PKD2: variants seen among roughly 807,000 people sequenced by gnomAD.
The protein encoded by PKD2 is polycystin 2, transient receptor potential cation channel, also known as polycystin-2.
Under a neutral mutation model 105.9 loss-of-function variants are expected in PKD2, and 48 were observed. The ratio of observed to expected loss-of-function variants is 0.45; its 90% confidence interval spans 0.36 to 0.58. PKD2 has a LOEUF of 0.58. Among genes scored for constraint, PKD2 ranks in the 20% least tolerant of loss-of-function variants. The pLI, the probability that PKD2 is intolerant of heterozygous loss-of-function variation, is 0.00. For missense variants in PKD2, 1,078 were observed against 1,255.3 expected (o/e 0.86, Z 2.13); for synonymous variants, 464 against 481.1 (o/e 0.96, Z 0.46).
chr4:88,036,156 C>T, intron 2 of PKD2, 64 bp from the exon 3 acceptor site: 1 of 1,613,196 alleles, frequency 6.2e-7, no homozygotes, highest in Non-Finnish European at 8.5e-7. Flanking sequence ...TTTGTGAAGG[C>T]TGCTGGTATG....
intron 4 of PKD2, among the ~76,000 whole-genome samples, chr4:88,038,815 T>C (rs944257378): frequency 2.0e-5 from 3 of 152,172 alleles, no homozygotes; most frequent in African/African-American, 7.2e-5. Context: ...TTTTTACAGG[T>C]GCAGTAACAT....
intron 6 of PKD2, among the ~76,000 whole-genome samples, chr4:88,048,711 G>T (rs1350566898): frequency 6.6e-6 from 1 of 152,150 alleles, no homozygotes; most frequent in East Asian, 1.9e-4. Context: ...GCAGTTAGAA[G>T]TGCATCCCGT....
intron 12 of PKD2, among the ~76,000 whole-genome samples, chr4:88,067,303 A>T (rs866095361): frequency 5.3e-5 from 8 of 152,176 alleles, no homozygotes; most frequent in South Asian, 2.1e-4. Context: ...AACACTTCTG[A>T]TCCCAAGTAT....
chr4:88,054,262 G>A (rs1413911982), intron 7 of PKD2, among the ~76,000 whole-genome samples: 3 of 151,808 alleles, frequency 2.0e-5, no homozygotes, highest in African/African-American at 7.3e-5. Context: ...TTAGCTGGGT[G>A]TGGTGGCACG....
At chr4:88,075,282 G>T (rs1382235232) in intron 14 of PKD2, among the ~76,000 whole-genome samples, 176 bp from the exon 15 acceptor site, 2 of 152,092 alleles carry the variant, frequency 1.3e-5, no homozygotes, top group African/African-American at 4.8e-5. Flanking sequence ...ATATGCTAAT[G>T]GTCCTGCCTT....
chr4:88,057,493 C>T (rs1314235738), intron 8 of PKD2, among the ~76,000 whole-genome samples: 3 of 145,512 alleles, frequency 2.1e-5, no homozygotes, highest in African/African-American at 5.1e-5. Context: ...TAGAGTGCAG[C>T]GGTGTAATCT....
chr4:88,040,513 C>T (rs190829878), intron 4 of PKD2, among the ~76,000 whole-genome samples: 1 of 152,308 alleles, frequency 6.6e-6, no homozygotes, highest in Admixed American at 6.5e-5. Flanking sequence ...AAGTCACTCC[C>T]ATTTCTTCTT....
intron 6 of PKD2, 148 bp from the exon 7 acceptor site, chr4:88,051,843 G>A: frequency 1.7e-6 from 1 of 598,064 alleles, no homozygotes; most frequent in Non-Finnish European, 3.0e-6. Context: ...TTCCATTTGA[G>A]TGAGTGACTT....
chr4:88,059,610 G>A (rs947705263), intron 9 of PKD2, among the ~76,000 whole-genome samples: 1 of 152,100 alleles, frequency 6.6e-6, no homozygotes, highest in Non-Finnish European at 1.5e-5. Context: ...CATCTTACCA[G>A]ATCAGTCACC....
chr4:88,041,444 A>C (rs1727561773), intron 4 of PKD2, among the ~76,000 whole-genome samples: 1 of 152,150 alleles, frequency 6.6e-6, no homozygotes, highest in African/African-American at 2.4e-5. Flanking sequence ...CTTACAGCTA[A>C]GGTTTATTAT....
intron 2 of PKD2, among the ~76,000 whole-genome samples, chr4:88,030,552 C>G (rs1317722668): frequency 6.6e-6 from 1 of 152,246 alleles, no homozygotes; most frequent in Non-Finnish European, 1.5e-5. Context: ...CCACATCAAA[C>G]CACTTGTGAT....
chr4:88,052,395 A>G (rs1720145102), intron 7 of PKD2, among the ~76,000 whole-genome samples: 1 of 152,018 alleles, frequency 6.6e-6, no homozygotes, highest in Admixed American at 6.6e-5. Flanking sequence ...TATCCTCCGA[A>G]GTCACTGGGA....
At chr4:88,038,877 A>T (rs1440058822) in intron 4 of PKD2, among the ~76,000 whole-genome samples, 3 of 152,190 alleles carry the variant, frequency 2.0e-5, no homozygotes, top group Non-Finnish European at 2.9e-5. Flanking sequence ...CTCTTTTTAT[A>T]GGTCTTGCAA....
chr4:88,046,729 T>G lies in PKD2; in HGVS notation c.1407T>G (p.Phe469Leu). ...AGCTGATCCGATATGTCACAACTTT[T>G]GATTTCTTCCTGGCAGCCTGTGAGA... ...PLKLIRYVTTFDFFLAACEII... is the reference protein window; with the variant it reads ...PLKLIRYVTTLDFFLAACEII... Residue 469 changes from phenylalanine (F) to leucine (L), a missense_variant, in exon 6 of 15, where the codon TTT becomes TTG. Phe to Leu is a conservative substitution (Grantham distance 22). Around this residue, in one of 2 missense-constraint regions of PKD2, gnomAD observed 868 missense variants for 1,067.3 expected, o/e 0.81. Coordinates refer to ENST00000237596, the MANE Select transcript of PKD2 (RefSeq NM_000297.4). The G allele has an allele frequency of 2.5e-6, 4 of 1,613,646 alleles. No homozygotes were observed. The highest frequency in any genetic ancestry group is 3.4e-6 in the Non-Finnish European group (4 of 1,179,510).
In PKD2 at chr4:88,007,784, G is replaced by A. The variant is rs1340120540; in HGVS notation, c.51G>A (p.Arg17=). The A allele has an allele frequency of 1.7e-6, 2 of 1,164,382 alleles. No homozygotes were observed. The highest frequency in any genetic ancestry group is 2.1e-6 in the Non-Finnish European group (2 of 938,664). 72.1% of individuals were successfully genotyped at this position (1,164,382 alleles called of 1,614,324 possible). Residue 17 remains arginine, a synonymous_variant, in exon 1 of 15, where the codon CGG becomes CGA. Coordinates refer to ENST00000237596, the MANE Select transcript of PKD2 (RefSeq NM_000297.4). ...CTCAGCAGCCCGGGGACGCCAAGCG[G>A]CCGCCCGCGCCCCGCGCGCCGGACC... The part of the protein sequence containing the change: ...VQPQQPGDAK[R]PPAPRAPDPG...
At chr4:88,054,500 G>A (rs1165554028) in intron 7 of PKD2, among the ~76,000 whole-genome samples, 1 of 151,972 alleles carries the variant, frequency 6.6e-6, no homozygotes, top group African/African-American at 2.4e-5. Flanking sequence ...ACTGTGGCCA[G>A]TAACAATGTG....
At chr4:88,074,258 T>C (rs1721144615) in intron 13 of PKD2, among the ~76,000 whole-genome samples, 2 of 152,130 alleles carry the variant, frequency 1.3e-5, no homozygotes, top group Non-Finnish European at 2.9e-5. Flanking sequence ...CAGGTGATCC[T>C]TCCACCTCAG....
intron 6 of PKD2, among the ~76,000 whole-genome samples, chr4:88,049,574 C>T (rs1441997922): frequency 6.6e-6 from 1 of 152,090 alleles, no homozygotes; most frequent in African/African-American, 2.4e-5. Context: ...CTCACTTGTC[C>T]TTTGAAACTT....
intron 9 of PKD2, 87 bp downstream of exon 9, chr4:88,058,190 A>G (rs1478686890): frequency 2.4e-6 from 2 of 840,840 alleles, no homozygotes; most frequent in African/African-American, 1.7e-5. Context: ...ATGTCCTATC[A>G]ATTTTAAATA....
Sources: gnomAD v4.1 joint callset for allele counts (sites outside exome capture counted in the v4.1 genomes callset) on GRCh38, gnomAD v4.1.1 for gene constraint, gnomAD v4.1.1 regional missense constraint, MANE v1.5 for transcripts, NCBI Gene and HGNC (gene_info 2026-07-23, HGNC 2026-07-21) for gene names.